The following SLC2A9 variants were observed in gnomAD, a reference collection of about 807,000 sequenced individuals.
SLC2A9 encodes the protein solute carrier family 2, facilitated glucose transporter member 9.
A neutral mutation model predicts 50.6 loss-of-function variants in SLC2A9; 39 were observed. The ratio of observed to expected loss-of-function variants is 0.77; its 90% CI spans 0.60 to 1.01. The LOEUF is 1.01. Ranked by LOEUF, SLC2A9 falls within the 50% of genes least tolerant of loss-of-function variation. The pLI, the probability that SLC2A9 is intolerant of heterozygous loss-of-function variation, is 0.00. For missense variants in SLC2A9, 686 were observed against 677.6 expected, an observed-to-expected ratio of 1.01 and a Z score of -0.14; for synonymous variants, 324 against 276.9, an observed-to-expected ratio of 1.17 and a Z score of -1.69.
chr4:9,998,334 C>CACA (rs35344864), intron 2 of SLC2A9, among the ~76,000 whole-genome samples: 51,724 of 151,824 alleles, frequency 0.34, 10,392 homozygotes, highest in East Asian at 0.56. Context: ...CAAATCCCAG[C>CACA]ACAACTTGGT....
intron 10 of SLC2A9, among the ~76,000 whole-genome samples, chr4:9,853,864 T>G (rs1730336765): frequency 6.6e-6 from 1 of 152,066 alleles, no homozygotes; most frequent in African/African-American, 2.4e-5. Context: ...TACAATTACA[T>G]GAAAATTAAA....
chr4:9,812,631 A>T (rs917046778), intron 3 of SLC2A9, among the ~76,000 whole-genome samples: 2 of 152,134 alleles, frequency 1.3e-5, no homozygotes, highest in Admixed American at 6.5e-5. Flanking sequence ...TCAATTTGCC[A>T]AATGCGTAGG....
At chr4:9,911,487 T>A (rs2110011748) in intron 7 of SLC2A9, among the ~76,000 whole-genome samples, 1 of 152,320 alleles carries the variant, frequency 6.6e-6, no homozygotes, top group Non-Finnish European at 1.5e-5. Context: ...GAGTGCATCC[T>A]GCCCCGGAGC....
At chr4:9,961,268 C>A (rs1333778344) in intron 5 of SLC2A9, among the ~76,000 whole-genome samples, 2 of 152,042 alleles carry the variant, frequency 1.3e-5, no homozygotes, top group Non-Finnish European at 2.9e-5. Context: ...CCAAGACAAT[C>A]CTAAGCAAAA....
intron 7 of SLC2A9, among the ~76,000 whole-genome samples, chr4:9,910,361 C>T (rs977592152): frequency 2.0e-5 from 3 of 152,184 alleles, no homozygotes; most frequent in East Asian, 1.9e-4. Flanking sequence ...ATAACATTAT[C>T]CTGAAAACTC....
intron 3 of SLC2A9, among the ~76,000 whole-genome samples, chr4:9,990,983 A>C (rs1458834988): frequency 2.6e-5 from 4 of 151,828 alleles, no homozygotes; most frequent in Non-Finnish European, 4.4e-5. Context: ...CTCAGGGTTG[A>C]CTCTTCTCCA....
intron 1 of SLC2A9, chr4:9,771,381 G>C: frequency 2.5e-6 from 1 of 397,520 alleles, no homozygotes; most frequent in Non-Finnish European, 4.4e-6. Flanking sequence ...TGCAGAAGGA[G>C]AGAGGGTGTA....
chr4:9,878,683 T>A (rs1734688171), intron 10 of SLC2A9, among the ~76,000 whole-genome samples: 1 of 151,966 alleles, frequency 6.6e-6, no homozygotes, highest in Non-Finnish European at 1.5e-5. Flanking sequence ...TGCTAGCAAA[T>A]AATTATCAAA....
In SLC2A9 at chr4:9,972,365, A is replaced by C. The variant is rs142511443; in HGVS notation, c.681+8227T>G. Among the ~76,000 whole-genome samples, 544 of 150,586 alleles carry C rather than the reference A, an allele frequency of 3.6e-3. 5 individuals are homozygous for C. The highest frequency in any genetic ancestry group is 0.012 in the African/African-American group (490 of 41,270). On this transcript the variant is annotated intron_variant, in intron 5 of 11. Transcript: ENST00000264784. The stretch of plus-strand genomic sequence containing the variant: ...TTTATCTTTGCAAGAGAAATAGCTA[A>C]TTGATTTGTTTTAAAAAAAATATAT...
chr4:9,911,581 G>A (rs189614630), intron 7 of SLC2A9, among the ~76,000 whole-genome samples: 79 of 152,314 alleles, frequency 5.2e-4, no homozygotes, highest in African/African-American at 1.4e-3. Context: ...TAGCCTCCCC[G>A]TGCAGCGTGG....
chr4:9,846,336 C>A (rs180880960), intron 10 of SLC2A9, among the ~76,000 whole-genome samples: 1 of 152,304 alleles, frequency 6.6e-6, no homozygotes, highest in East Asian at 1.9e-4. Flanking sequence ...GGAAGCTCCT[C>A]CCCTCACAGG....
At chr4:9,875,879 T>C (rs1352187956) in intron 10 of SLC2A9, among the ~76,000 whole-genome samples, 2 of 152,222 alleles carry the variant, frequency 1.3e-5, no homozygotes, top group African/African-American at 4.8e-5. Context: ...CCATTGGCAC[T>C]GGGCATTGCC....
intron 3 of SLC2A9, among the ~76,000 whole-genome samples, chr4:9,811,056 C>A (rs773670825): frequency 5.3e-5 from 8 of 152,196 alleles, no homozygotes; most frequent in Non-Finnish European, 1.0e-4. Flanking sequence ...CTACTTCTTG[C>A]CCTCTACCCT....
At chr4:9,944,098 T>C (rs4697699) in intron 5 of SLC2A9, among the ~76,000 whole-genome samples, 43,488 of 152,066 alleles carry the variant, frequency 0.29, 7,040 homozygotes, top group African/African-American at 0.43. Flanking sequence ...ACCCCCAGCA[T>C]AGGAACAGCA....
chr4:9,824,151 C>G (rs1325793355), downstream of SLC2A9, among the ~76,000 whole-genome samples: 4 of 151,952 alleles, frequency 2.6e-5, no homozygotes, highest in Non-Finnish European at 5.9e-5. Flanking sequence ...GGGAGTGGGA[C>G]TGGTGGTTTT....
chr4:9,913,303 T>TTG (rs59023239), intron 7 of SLC2A9, among the ~76,000 whole-genome samples: 3,542 of 142,136 alleles, frequency 0.025, 62 homozygotes, highest in South Asian at 0.043. Context: ...TCCTGTGTGT[T>TTG]TGTGTGTGTG....
At chr4:9,993,374 G>A (rs1758047279) in intron 3 of SLC2A9, among the ~76,000 whole-genome samples, 2 of 152,178 alleles carry the variant, frequency 1.3e-5, no homozygotes, top group South Asian at 2.1e-4. Flanking sequence ...AAGCCAATGA[G>A]GTTGGTGATG....
intron 5 of SLC2A9, among the ~76,000 whole-genome samples, chr4:9,957,628 A>G (rs753081881): frequency 1.3e-5 from 2 of 152,212 alleles, no homozygotes; most frequent in Non-Finnish European, 2.9e-5. Context: ...AAAAAACAAG[A>G]ACAGGACTCC....
chr4:9,830,024 A>G (rs1251236506), intron 11 of SLC2A9, among the ~76,000 whole-genome samples: 2 of 152,272 alleles, frequency 1.3e-5, no homozygotes, highest in African/African-American at 4.8e-5. Flanking sequence ...TATCTACCCA[A>G]AGGAATGTAA....
Sources: gnomAD v4.1 joint callset for allele counts (sites outside exome capture counted in the v4.1 genomes callset) on GRCh38, gnomAD v4.1.1 for gene constraint, MANE v1.5 for transcripts, NCBI Gene and HGNC (gene_info 2026-07-23, HGNC 2026-07-21) for gene names.